NAALADL2: variants seen among roughly 807,000 people sequenced by gnomAD.
NAALADL2 encodes N-acetylated alpha-linked acidic dipeptidase like 2.
NAALADL2 carries 76 observed loss-of-function variants against 87.2 expected under a neutral mutation model. That is an observed-to-expected ratio of 0.87 (90% CI 0.72 to 1.05). The LOEUF (loss-of-function observed/expected upper bound fraction) is 1.05, where lower values mean the gene tolerates loss of function less well. Ranked by LOEUF, NAALADL2 falls within the 50% of genes least tolerant of loss-of-function variation. The probability of loss-of-function intolerance (pLI) is 0.00; values close to 1 mark genes in which losing one functional copy is unlikely to be tolerated. For synonymous variants in NAALADL2, 354 were observed against 331.0 expected, an observed-to-expected ratio of 1.07 and a Z score of -0.75; for missense variants, 1,089 against 945.8, an observed-to-expected ratio of 1.15 and a Z score of -1.99.
rs551555061 is a variant in NAALADL2, at chr3:174,978,947, G to A, written c.44-117843G>A. On this transcript the variant is annotated intron_variant, in intron 1 of 13. Transcript: ENST00000454872. The stretch of plus-strand genomic sequence containing the variant: ...ATATCTGGTGATAAATAATTTCACA[G>A]GAAATAATTCACAAGGATGACTGGA... 1.4e-4 allele frequency among the ~76,000 whole-genome samples: 21 copies of A among 152,154 alleles called. No homozygotes were observed. In the East Asian group the frequency reaches 3.3e-3, roughly 24 times the overall value.
intron 3 of NAALADL2, among the ~76,000 whole-genome samples, chr3:174,849,316 A>G (rs1385987553): frequency 6.6e-6 from 1 of 152,226 alleles, no homozygotes; most frequent in Non-Finnish European, 1.5e-5. Context: ...CTGTTGTAAT[A>G]ACATTCAGCT....
intron 2 of NAALADL2, among the ~76,000 whole-genome samples, chr3:175,132,168 G>T (rs1385047130): frequency 3.6e-5 from 4 of 111,062 alleles, no homozygotes; most frequent in African/African-American, 1.6e-4. Flanking sequence ...GGACGGGGCA[G>T]CTGGCTGGGC....
At chr3:175,139,418 A>G (rs961829335) in intron 2 of NAALADL2, among the ~76,000 whole-genome samples, 1 of 152,104 alleles carries the variant, frequency 6.6e-6, no homozygotes, top group Non-Finnish European at 1.5e-5. Flanking sequence ...TATCTTTCTT[A>G]GAATTGCAAA....
chr3:175,557,115 T>A (rs776210542), intron 9 of NAALADL2, among the ~76,000 whole-genome samples: 127 of 152,244 alleles, frequency 8.3e-4, no homozygotes, highest in Non-Finnish European at 1.4e-3. Context: ...GAGCAAAGAC[T>A]GACCTTCGAT....
intron 5 of NAALADL2, among the ~76,000 whole-genome samples, chr3:175,385,438 G>A (rs1477890795): frequency 6.6e-6 from 1 of 152,014 alleles, no homozygotes; most frequent in East Asian, 1.9e-4. Context: ...GTCGGCAAGT[G>A]AAAGATAGCT....
At chr3:175,040,950 C>T (rs141355336) in intron 1 of NAALADL2, among the ~76,000 whole-genome samples, 1 of 152,150 alleles carries the variant, frequency 6.6e-6, no homozygotes, top group East Asian at 1.9e-4. Context: ...TGCTTGCATG[C>T]CACTGCATAT....
chr3:175,507,557 G>A (rs1022031860), intron 9 of NAALADL2, among the ~76,000 whole-genome samples: 1 of 151,958 alleles, frequency 6.6e-6, no homozygotes, highest in Admixed American at 6.6e-5. Flanking sequence ...CCAGCAGCTG[G>A]GATTACAGGT....
chr3:174,864,157 A>C (rs1408440999), intron 1 of NAALADL2: 2 of 436,654 alleles, frequency 4.6e-6, no homozygotes, highest in Non-Finnish European at 9.2e-6. Flanking sequence ...TACATTTTCC[A>C]GGTACAAGAG....
chr3:174,788,537 C>A (rs903692944), intron 3 of NAALADL2, among the ~76,000 whole-genome samples: 1 of 152,146 alleles, frequency 6.6e-6, no homozygotes, highest in Non-Finnish European at 1.5e-5. Context: ...GGTCTTCCCT[C>A]TGTTTGTGTC....
At chr3:175,144,493 A>C (rs1215412957) in intron 2 of NAALADL2, among the ~76,000 whole-genome samples, 1 of 152,010 alleles carries the variant, frequency 6.6e-6, no homozygotes, top group African/African-American at 2.4e-5. Flanking sequence ...TCTAAAGTGT[A>C]AAACACTTTA....
intron 4 of NAALADL2, among the ~76,000 whole-genome samples, chr3:175,261,255 C>T (rs2109896299): frequency 6.6e-6 from 1 of 151,982 alleles, no homozygotes; most frequent in African/African-American, 2.4e-5. Context: ...TCACAAAATC[C>T]CAAACTGCAG....
At chr3:175,531,920 T>C (rs994677300) in intron 9 of NAALADL2, among the ~76,000 whole-genome samples, 6 of 152,224 alleles carry the variant, frequency 3.9e-5, no homozygotes, top group African/African-American at 1.4e-4. Flanking sequence ...TCCTTGATGG[T>C]GGTGCTAATC....
chr3:174,467,005 C>T (rs1716575153), intron 1 of NAALADL2, among the ~76,000 whole-genome samples: 1 of 152,008 alleles, frequency 6.6e-6, no homozygotes, highest in Non-Finnish European at 1.5e-5. Context: ...AAGCAGGACG[C>T]ATTAGAAGTT....
intron 1 of NAALADL2, among the ~76,000 whole-genome samples, chr3:175,049,491 G>T (rs1300868933): frequency 6.6e-6 from 1 of 152,208 alleles, no homozygotes; most frequent in African/African-American, 2.4e-5. Flanking sequence ...GATGTGTATA[G>T]TGCAAGGTAG....
At chr3:174,902,744 T>G (rs1406433698) in intron 1 of NAALADL2, among the ~76,000 whole-genome samples, 1 of 152,132 alleles carries the variant, frequency 6.6e-6, no homozygotes, top group African/African-American at 2.4e-5. Flanking sequence ...GGTTATTATT[T>G]TTATTCTGGT....
At chr3:174,757,498 T>TA (rs938147434) in intron 3 of NAALADL2, among the ~76,000 whole-genome samples, 5 of 144,946 alleles carry the variant, frequency 3.4e-5, no homozygotes, top group Admixed American at 2.8e-4. Flanking sequence ...ATAACTTTTC[T>TA]TTTTTTTTTT....
At chr3:174,914,223 A>G (rs1734074660) in intron 1 of NAALADL2, among the ~76,000 whole-genome samples, 1 of 151,628 alleles carries the variant, frequency 6.6e-6, no homozygotes, top group South Asian at 2.1e-4. Context: ...CCACCACATC[A>G]GGCTAATTTT....
chr3:175,063,413 G>T (rs1008051254), intron 1 of NAALADL2, among the ~76,000 whole-genome samples: 1 of 151,846 alleles, frequency 6.6e-6, no homozygotes, highest in Non-Finnish European at 1.5e-5. Context: ...AGGTGCAATG[G>T]TTCATGCCTG....
chr3:175,047,342 C>A (rs1560512268), intron 1 of NAALADL2, among the ~76,000 whole-genome samples: 1 of 152,116 alleles, frequency 6.6e-6, no homozygotes, highest in East Asian at 1.9e-4. Context: ...TTTCCCATAG[C>A]AGGGTGGCAA....
Sources: gnomAD v4.1 joint callset for allele counts (sites outside exome capture counted in the v4.1 genomes callset) on GRCh38, gnomAD v4.1.1 for gene constraint, MANE v1.5 for transcripts, NCBI Gene and HGNC (gene_info 2026-07-23, HGNC 2026-07-21) for gene names.